The following CRYL1 variants were observed in gnomAD, a reference collection of about 807,000 sequenced individuals.
CRYL1 encodes lambda-crystallin homolog.
A neutral mutation model predicts 36.6 loss-of-function variants in CRYL1; 29 were observed. That is an observed-to-expected ratio of 0.79 (90% CI 0.59 to 1.08). The LOEUF (loss-of-function observed/expected upper bound fraction) is 1.08. Among genes scored for constraint, CRYL1 ranks in the 50% least tolerant of loss-of-function variants. The pLI is 0.00. For synonymous variants in CRYL1, 152 were observed against 151.5 expected (o/e 1.00, Z -0.02); for missense variants, 411 against 407.9 (o/e 1.01, Z -0.06).
At chr13:20,424,852 C>G (rs906323058) in intron 5 of CRYL1, among the ~76,000 whole-genome samples, 3 of 152,184 alleles carry the variant, frequency 2.0e-5, no homozygotes, top group African/African-American at 7.2e-5. Flanking sequence ...CAGCGATTCA[C>G]TCAGATGCTT....
intron 3 of CRYL1, among the ~76,000 whole-genome samples, chr13:20,470,117 A>G (rs1408914935): frequency 1.3e-5 from 2 of 152,206 alleles, no homozygotes; most frequent in Non-Finnish European, 2.9e-5. Flanking sequence ...CAAGACCAGC[A>G]ATACATTCAG....
intron 6 of CRYL1, among the ~76,000 whole-genome samples, chr13:20,406,737 G>A (rs2031386981): frequency 6.6e-6 from 1 of 151,888 alleles, no homozygotes. Context: ...GGGTGGGGGA[G>A]GGCAGAGACA....
In CRYL1 at chr13:20,442,057, C is replaced by A. The variant is rs1392459943; in HGVS notation, c.277-2303G>T. ...GTCATTCCTGGATCAGTTAAGCCTG[C>A]AAGTTGGGTTAAGTTTAAATGGAGC... On this transcript the variant is annotated intron_variant, in intron 3 of 7. Transcript: ENST00000298248. 2.0e-5 allele frequency among the ~76,000 whole-genome samples: 3 copies of A among 152,164 alleles called. No homozygotes were observed. In the South Asian group the frequency reaches 6.2e-4, roughly 32 times the overall value.
chr13:20,430,700 G>C, intron 5 of CRYL1: 1 of 985,336 alleles, frequency 1.0e-6, no homozygotes, highest in Non-Finnish European at 1.2e-6. Context: ...TTTCATATTG[G>C]AGAAAGCAAG....
intron 2 of CRYL1, among the ~76,000 whole-genome samples, chr13:20,506,599 A>G (rs1323257465): frequency 1.3e-5 from 2 of 152,016 alleles, no homozygotes; most frequent in East Asian, 1.9e-4. Context: ...GATGCCTGAA[A>G]GGACTTTAAA....
At chr13:20,462,464 C>T (rs761697714) in intron 3 of CRYL1, among the ~76,000 whole-genome samples, 10 of 148,546 alleles carry the variant, frequency 6.7e-5, no homozygotes, top group Non-Finnish European at 1.3e-4. Flanking sequence ...ATTGACTTGC[C>T]AGTGTGAATA....
chr13:20,504,150 C>T (rs546832474), intron 2 of CRYL1, among the ~76,000 whole-genome samples: 117 of 152,202 alleles, frequency 7.7e-4, no homozygotes, highest in African/African-American at 1.9e-3. Context: ...TAAGTCAGGG[C>T]GGCCTGGTCC....
chr13:20,515,946 C>G (rs1272795319), intron 1 of CRYL1: 4 of 152,294 alleles, frequency 2.6e-5, no homozygotes, highest in Non-Finnish European at 5.9e-5. Context: ...ATTCCCAGCA[C>G]TTTTGGAGGC....
At chr13:20,406,796 T>C (rs2031388785) in intron 6 of CRYL1, among the ~76,000 whole-genome samples, 1 of 151,860 alleles carries the variant, frequency 6.6e-6, no homozygotes, top group African/African-American at 2.4e-5. Flanking sequence ...TGGAAAGAGC[T>C]GCTGTGGCTG....
intron 3 of CRYL1, among the ~76,000 whole-genome samples, chr13:20,470,340 T>C (rs2033028257): frequency 6.6e-6 from 1 of 152,166 alleles, no homozygotes; most frequent in Non-Finnish European, 1.5e-5. Context: ...CAGCGGCCGC[T>C]GCAGGGAAGG....
At chr13:20,486,758 C>T (rs938142443) in intron 3 of CRYL1, among the ~76,000 whole-genome samples, 18 of 152,220 alleles carry the variant, frequency 1.2e-4, no homozygotes, top group African/African-American at 4.1e-4. Flanking sequence ...TAAAGATAGA[C>T]TGTAGTTAAA....
intron 3 of CRYL1, among the ~76,000 whole-genome samples, chr13:20,469,246 G>A (rs1320538095): frequency 6.6e-6 from 1 of 152,200 alleles, no homozygotes; most frequent in African/African-American, 2.4e-5. Flanking sequence ...TTCAAACCTA[G>A]GACTTTCTTT....
Position 20,425,098 on chromosome 13 carries a change from CG to C in CRYL1, c.633+7003del, listed in dbSNP as rs2137380389. 6.6e-6 allele frequency among the ~76,000 whole-genome samples: 1 copy of C among 152,324 alleles called. No homozygotes were observed. The highest frequency in any genetic ancestry group is 2.1e-4 in the South Asian group (1 of 4,828). ...TTACTCAAGCCTCAACATTTTCCCC[CG>C]GACACATTCCAGGTGCACCACAGTC... On this transcript the variant is annotated intron_variant, in intron 5 of 7. Coordinates refer to ENST00000298248, the MANE Select transcript of CRYL1 (RefSeq NM_015974.3). This position sits in a 1 kb window ranked among gnomAD's most constrained non-coding sequence, Gnocchi z 4.4.
chr13:20,420,699 G>GTTTTTTTTTTTTTTT, intron 5 of CRYL1, among the ~76,000 whole-genome samples: 1 of 22,144 alleles, frequency 4.5e-5, no homozygotes, highest in Non-Finnish European at 1.1e-4. Flanking sequence ...TTAAAATAGA[G>GTTTTTTTTTTTTTTT]GTTGTGTGTG....
At chr13:20,412,044 CA>C (rs762538627) in intron 6 of CRYL1, among the ~76,000 whole-genome samples, 2 of 152,092 alleles carry the variant, frequency 1.3e-5, no homozygotes, top group Non-Finnish European at 2.9e-5. Flanking sequence ...GAGAGGTCAC[CA>C]ACTCTCAACC....
At chr13:20,463,890 C>T (rs7338016) in intron 3 of CRYL1, among the ~76,000 whole-genome samples, 14,108 of 152,180 alleles carry the variant, frequency 0.093, 2,159 homozygotes, top group African/African-American at 0.32. Flanking sequence ...TGCCTGTCTA[C>T]GTCCATGCAG....
chr13:20,451,113 G>A (rs558384271), intron 3 of CRYL1, among the ~76,000 whole-genome samples: 14 of 151,912 alleles, frequency 9.2e-5, no homozygotes, highest in Middle Eastern at 3.4e-3. Context: ...TAATGTAAAC[G>A]ACGAGTTAAT....
intron 5 of CRYL1, among the ~76,000 whole-genome samples, chr13:20,419,267 G>A (rs1488988824): frequency 6.6e-6 from 1 of 152,140 alleles, no homozygotes; most frequent in Non-Finnish European, 1.5e-5. Context: ...GCTACAGGGA[G>A]TAACAGAGTT....
chr13:20,475,773 C>T (rs1032893700), intron 3 of CRYL1, among the ~76,000 whole-genome samples: 23 of 152,280 alleles, frequency 1.5e-4, no homozygotes, highest in Admixed American at 1.0e-3. Flanking sequence ...ACCCTTTCAG[C>T]GGAAGATTCC....
Sources: gnomAD v4.1 joint callset for allele counts (sites outside exome capture counted in the v4.1 genomes callset) on GRCh38, gnomAD v4.1.1 for gene constraint, Gnocchi (gnomAD v3.1) non-coding constraint, MANE v1.5 for transcripts, NCBI Gene and HGNC (gene_info 2026-07-23, HGNC 2026-07-21) for gene names.